Variants in USP32 observed in about 807,000 individuals in gnomAD.
USP32 encodes ubiquitin specific peptidase 32.
Under a neutral mutation model 204.8 loss-of-function variants are expected in USP32, and 59 were observed. The ratio of observed to expected loss-of-function variants is 0.29; its 90% CI spans 0.23 to 0.36. USP32 has a LOEUF of 0.36. Ranked by LOEUF, USP32 falls within the 10% of genes least tolerant of loss-of-function variation. USP32 has a pLI of 1.00. For missense variants in USP32, 1,160 were observed against 1,946.4 expected (o/e 0.60, Z 7.60); for synonymous variants, 517 against 678.4 (o/e 0.76, Z 3.70).
At chr17:60,280,950 G>T (rs1029101530) in intron 5 of USP32, among the ~76,000 whole-genome samples, 5 of 152,210 alleles carry the variant, frequency 3.3e-5, no homozygotes, top group Non-Finnish European at 7.3e-5. Flanking sequence ...TTCATAGTAA[G>T]ACTCACTAAG....
At chr17:60,366,979 A>G (rs1375867855) in intron 1 of USP32, among the ~76,000 whole-genome samples, 1 of 151,912 alleles carries the variant, frequency 6.6e-6, no homozygotes, top group Non-Finnish European at 1.5e-5. Flanking sequence ...GCCCGCCACC[A>G]CACCCAGCTA....
intron 1 of USP32, among the ~76,000 whole-genome samples, chr17:60,399,481 C>T (rs2089920491): frequency 6.6e-6 from 1 of 151,648 alleles, no homozygotes; most frequent in Non-Finnish European, 1.5e-5. Context: ...ATAGCAAGAG[C>T]CTGTCTCTAC....
chr17:60,368,531 G>A (rs1440397462), intron 1 of USP32, among the ~76,000 whole-genome samples: 1 of 151,904 alleles, frequency 6.6e-6, no homozygotes, highest in Admixed American at 6.6e-5. Context: ...GTTGGGGGGC[G>A]GGGGAAACGA....
At chr17:60,283,672 CTT>C (rs766137278) in intron 5 of USP32, among the ~76,000 whole-genome samples, 6 of 140,596 alleles carry the variant, frequency 4.3e-5, no homozygotes, top group Non-Finnish European at 1.6e-5. Flanking sequence ...ACAAGTTTGC[CTT>C]TTTTTTTTTT....
At chr17:60,345,731 C>T in intron 1 of USP32, 123 bp from the exon 2 acceptor site, 1 of 1,293,874 alleles carries the variant, frequency 7.7e-7, no homozygotes, top group East Asian at 2.4e-5. Context: ...CCTATAATCC[C>T]AGTACTTTGG....
chr17:60,240,671 G>C (rs1436075497), intron 11 of USP32, among the ~76,000 whole-genome samples: 2 of 152,110 alleles, frequency 1.3e-5, no homozygotes, highest in Non-Finnish European at 2.9e-5. Context: ...GGTCTTATAA[G>C]GTCTTTTCTG....
chr17:60,302,137 A>ATTTG (rs1212960528), intron 2 of USP32, among the ~76,000 whole-genome samples: 6 of 144,236 alleles, frequency 4.2e-5, no homozygotes, highest in African/African-American at 1.7e-4. Context: ...TTATTTATTT[A>ATTTG]TTTATTTATT....
intron 2 of USP32, among the ~76,000 whole-genome samples, chr17:60,344,130 T>C (rs867398239): frequency 1.4e-5 from 2 of 143,236 alleles, no homozygotes; most frequent in Non-Finnish European, 3.0e-5. Context: ...AAATTCCTAT[T>C]TTTTTTTTTT....
intron 5 of USP32, among the ~76,000 whole-genome samples, chr17:60,284,183 T>C (rs2145834592): frequency 6.6e-6 from 1 of 151,918 alleles, no homozygotes; most frequent in East Asian, 1.9e-4. Context: ...ACAGGAATAT[T>C]TGTTTCAAAT....
At chr17:60,374,617 C>A (rs2089505167) in intron 1 of USP32, among the ~76,000 whole-genome samples, 1 of 152,134 alleles carries the variant, frequency 6.6e-6, no homozygotes, top group Admixed American at 6.5e-5. Flanking sequence ...AACTCCTGGG[C>A]TCAAGCAACC....
intron 1 of USP32, among the ~76,000 whole-genome samples, chr17:60,384,578 G>T (rs1376839959): frequency 6.6e-6 from 1 of 152,128 alleles, no homozygotes; most frequent in Non-Finnish European, 1.5e-5. Flanking sequence ...GATCACCTGA[G>T]GTCGGGAGTT....
chr17:60,206,987 G>A (rs1331461655), intron 25 of USP32, 34 bp downstream of exon 25: 4 of 1,576,106 alleles, frequency 2.5e-6, no homozygotes, highest in Non-Finnish European at 3.4e-6. Flanking sequence ...ATTTAAAGGA[G>A]CAATCATGAG....
At chr17:60,212,790 TC>T (rs1402145134) in intron 18 of USP32, among the ~76,000 whole-genome samples, 11 of 152,134 alleles carry the variant, frequency 7.2e-5, no homozygotes, top group Admixed American at 3.9e-4. Context: ...TCTGGCTTTG[TC>T]CCCCCAGGTT....
At chr17:60,219,399 C>T (rs2085182250) in intron 16 of USP32, among the ~76,000 whole-genome samples, 1 of 151,916 alleles carries the variant, frequency 6.6e-6, no homozygotes, top group Non-Finnish European at 1.5e-5. Context: ...GGAAACATCC[C>T]ATCTCAGTTT....
chr17:60,305,700 C>A (rs1410103719), intron 2 of USP32, among the ~76,000 whole-genome samples: 1 of 152,182 alleles, frequency 6.6e-6, no homozygotes, highest in African/African-American at 2.4e-5. Context: ...CCTTTCCATT[C>A]ACTGTATCTT....
chr17:60,388,075 C>G (rs1256946827), intron 1 of USP32, among the ~76,000 whole-genome samples: 1 of 152,002 alleles, frequency 6.6e-6, no homozygotes, highest in Non-Finnish European at 1.5e-5. Context: ...AATTCATACC[C>G]AGCCTTCAGT....
chr17:60,280,783 T>C (rs916721914), intron 5 of USP32, among the ~76,000 whole-genome samples: 4 of 152,172 alleles, frequency 2.6e-5, no homozygotes, highest in African/African-American at 9.7e-5. Context: ...ATTATTTGAG[T>C]AGAAGAGCCT....
At chr17:60,283,767 G>A (rs1040048104) in intron 5 of USP32, among the ~76,000 whole-genome samples, 1 of 151,516 alleles carries the variant, frequency 6.6e-6, no homozygotes, top group Non-Finnish European at 1.5e-5. Flanking sequence ...ATAACCAAGA[G>A]GCATTTATTA....
rs186201884 is a variant in USP32, at chr17:60,307,856, G to C, written c.187-6152C>G. ...CCCAGCAAGCAGAGACATACAATTG[G>C]CTGGACGTTGAGAGGAACATATCAG... is the stretch of plus-strand genomic sequence containing the variant. On this transcript the variant is annotated intron_variant, in intron 2 of 33. Coordinates refer to ENST00000300896, the MANE Select transcript of USP32 (RefSeq NM_032582.4). Among the ~76,000 whole-genome samples, 6 of 152,284 alleles carry C rather than the reference G, an allele frequency of 3.9e-5. No homozygotes were observed. In the East Asian group the frequency reaches 1.2e-3, roughly 29 times the overall value.
Sources: allele counts gnomAD v4.1 joint callset (sites outside exome capture counted in the v4.1 genomes callset), GRCh38; gene constraint gnomAD v4.1.1; transcripts MANE v1.5; gene names NCBI Gene and HGNC (gene_info 2026-07-23, HGNC 2026-07-21).